SF3A2: variants seen among roughly 807,000 people sequenced by gnomAD.
SF3A2 encodes splicing factor 3a subunit 2.
In SF3A2, 5 loss-of-function variants were observed where a neutral mutation model predicts 31.1. That is an observed-to-expected ratio of 0.16 (90% CI 0.08 to 0.34). The LOEUF is 0.34. Ranked by LOEUF, SF3A2 falls within the 10% of genes least tolerant of loss-of-function variation. The pLI is 1.00. For missense variants in SF3A2, 577 were observed against 643.9 expected (o/e 0.90, Z 1.13); for synonymous variants, 365 against 263.7 (o/e 1.38, Z -3.72).
intron 1 of SF3A2, among the ~76,000 whole-genome samples, chr19:2,241,612 C>T (rs1324690557): frequency 2.6e-5 from 4 of 152,168 alleles, no homozygotes; most frequent in South Asian, 2.1e-4. Flanking sequence ...TAGGAGTTGG[C>T]GTGGCCTGCA....
At position 2,247,846 on chromosome 19, in the gene SF3A2, G is replaced by A. The variant is rs2024954355; in HGVS notation, c.695G>A (p.Arg232Gln). ...CCTGCTGGCCCCCCTGGGGTGAAGC[G>A]GCCTCCACCCCCGCTGATGAACGGT... ...SLPAGPPGVK[R>Q]PPPPLMNGLP... Residue 232 changes from arginine to glutamine, a missense_variant, in exon 9 of 9, where the codon CGG becomes CAG. Physicochemically the swap from Arg to Gln is conservative, Grantham distance 43. Transcript: ENST00000221494. 7.2e-6 allele frequency: 11 copies of A among 1,523,676 alleles called. No individual in the cohort carries two copies. Among genetic ancestry groups the A allele is most frequent in the East Asian group, 4.5e-5 (2 of 44,400 alleles). 94.4% of individuals were successfully genotyped at this position (1,523,676 alleles called of 1,614,324 possible). A position where few individuals can be genotyped will look rare whatever the true frequency, so the allele number is the denominator to read the frequency against.
At chr19:2,244,818 C>A (rs760069623) in intron 4 of SF3A2, 39 bp downstream of exon 4, 1 of 1,591,862 alleles carries the variant, frequency 6.3e-7, no homozygotes, top group Non-Finnish European at 8.6e-7. Context: ...GGTGCTCCAG[C>A]AGCCGTTGGC....
rs2024923472 is a variant in SF3A2, at chr19:2,245,431, C to G, written c.246-15C>G. On this transcript the variant is annotated splice_polypyrimidine_tract_variant and intron_variant, in intron 4 of 8. Coordinates refer to ENST00000221494, the MANE Select transcript of SF3A2 (RefSeq NM_007165.5). This position sits in a 1 kb window ranked among gnomAD's most constrained non-coding sequence, Gnocchi z 4.2. Reference sequence around the variant, plus strand: ...GTGTGGAGGGGTCCCAGCAGCACCTCCATCCTGTCCGCAGGGCCCGGCGAG... The same window carrying G: ...GTGTGGAGGGGTCCCAGCAGCACCTGCATCCTGTCCGCAGGGCCCGGCGAG... The G allele has an allele frequency of 1.9e-6, 3 of 1,544,654 alleles. No homozygotes were observed. The highest frequency in any genetic ancestry group is 2.6e-6 in the Non-Finnish European group (3 of 1,142,508).
At position 2,248,048 on chromosome 19, in the gene SF3A2, TG is replaced by T; in HGVS notation, c.901del (p.Val301SerfsTer145). On this transcript the variant is annotated frameshift_variant, in exon 9 of 9. Transcript: ENST00000221494. LOFTEE classifies it low-confidence loss of function (END_TRUNC). ...PAPVVHPPAS[G>X]VHPPAPGVHP... ...CCCCAGTGGTGCATCCCCCTGCATCTGGGGTCCATCCCCCAGCTCCTGGCGT... is the reference window on the plus strand; with the variant it reads ...CCCCAGTGGTGCATCCCCCTGCATCTGGGTCCATCCCCCAGCTCCTGGCGT... 4.4e-6 allele frequency: 4 copies of T among 909,720 alleles called. No homozygotes were observed. The highest frequency in any genetic ancestry group is 6.7e-6 in the Non-Finnish European group (4 of 593,966). The allele number at this position is 909,720 out of a possible 1,614,324, so 56.4% of individuals were successfully genotyped here.
chr19:2,244,787 C>T lies in SF3A2; in HGVS notation c.245+8C>T, dbSNP rs201339807. 1.2e-5 allele frequency: 19 copies of T among 1,613,252 alleles called. No individual in the cohort carries two copies. Among genetic ancestry groups the T allele is most frequent in the Admixed American group, 1.0e-4 (6 of 60,018 alleles). ...GAAGCACCAGACCAACCTGTGAGTA[C>T]CTCATGTCCCTTTGATGCCTGGTGC... On this transcript the variant is annotated splice_region_variant and intron_variant, in intron 4 of 8. Transcript: ENST00000221494.
Position 2,248,398 on chromosome 19 carries a change from C to A in SF3A2, c.1247C>A (p.Pro416Gln). ...CACCCCCAACCTCCCGGGGTCCATCCGTCGGCTCCTGGGGTCCACCCTCAG... is the reference window on the plus strand; with the variant it reads ...CACCCCCAACCTCCCGGGGTCCATCAGTCGGCTCCTGGGGTCCACCCTCAG... The part of the protein sequence containing the change: ...GVHPQPPGVH[P>Q]SAPGVHPQPP... The change falls in exon 9 of 9, where the codon CCG becomes CAG. Residue 416 changes from proline (P) to glutamine (Q), a missense_variant. By Grantham distance (76) the Pro-to-Gln change is moderately conservative. This residue lies in a region of SF3A2 where 462 missense variants were observed against 339.1 expected (regional missense o/e 1.36). Coordinates refer to ENST00000221494, the MANE Select transcript of SF3A2 (RefSeq NM_007165.5). 4 of 1,380,736 alleles carry A rather than the reference C, an allele frequency of 2.9e-6. No individual in the cohort carries two copies. The highest frequency in any genetic ancestry group is 3.7e-6 in the Non-Finnish European group (4 of 1,071,060). 85.5% of individuals were successfully genotyped at this position (1,380,736 alleles called of 1,614,324 possible). A position where few individuals can be genotyped will look rare whatever the true frequency, so the allele number is the denominator to read the frequency against.
intron 1 of SF3A2, among the ~76,000 whole-genome samples, chr19:2,241,266 T>A (rs2024886407): frequency 6.6e-6 from 1 of 152,040 alleles, no homozygotes; most frequent in Non-Finnish European, 1.5e-5. Context: ...TTGGAGTGCA[T>A]CCGTGAAAGA....
chr19:2,245,737 G>C lies in SF3A2; in HGVS notation c.355+182G>C. The C allele has an allele frequency of 3.3e-6, 2 of 608,514 alleles. No homozygotes were observed. The highest frequency in any genetic ancestry group is 5.9e-6 in the Non-Finnish European group (2 of 337,954). The allele number at this position is 608,514 out of a possible 1,614,324, so 37.7% of individuals were successfully genotyped here. On this transcript the variant is annotated intron_variant, in intron 5 of 8. Transcript: ENST00000221494. The surrounding 1 kb of genome is among the most constrained non-coding windows in gnomAD (Gnocchi z 4.2). ...GTTGTGTCTGGGAGCTGTCAGGCTG[G>C]GCCCGATAAGCACCCATCTCACCCA...
Position 2,244,558 on chromosome 19 carries a change from G to A in SF3A2, c.141G>A (p.Met47Ile). 2 of 1,614,010 alleles carry A rather than the reference G, an allele frequency of 1.2e-6. No individual in the cohort carries two copies. Among genetic ancestry groups the A allele is most frequent in the Non-Finnish European group, 1.7e-6 (2 of 1,179,930 alleles). ...TTCCCCTCCAGGACCCGTACTTCAT[G>A]AAGAACCACCTGGGCTCCTATGAAT... ...TIDINKDPYF[M>I]KNHLGSYECK... is the part of the protein sequence containing the mutation. Residue 47 changes from methionine to isoleucine, a missense_variant, in exon 3 of 9, where the codon ATG becomes ATA. Transcript: ENST00000221494.
In SF3A2 at chr19:2,248,002, C is replaced by A; in HGVS notation, c.851C>A (p.Ala284Asp). The A allele has an allele frequency of 1.1e-6, 1 of 949,038 alleles. No individual in the cohort carries two copies. Among genetic ancestry groups the A allele is most frequent in the Non-Finnish European group, 1.6e-6 (1 of 611,932 alleles). The allele number at this position is 949,038 out of a possible 1,614,324, so 58.8% of individuals were successfully genotyped here. A position where few individuals can be genotyped will look rare whatever the true frequency, so the allele number is the denominator to read the frequency against. Residue 284 changes from alanine (A) to aspartate (D), a missense_variant, in exon 9 of 9, where the codon GCT (alanine) becomes GAT (aspartate). Coordinates refer to ENST00000221494, the MANE Select transcript of SF3A2 (RefSeq NM_007165.5). ...PPGPPQLPPP[A>D]PGVHPPAPVV... is the part of the protein sequence containing the mutation. ...GGACCACCCCAGCTACCCCCGCCAG[C>A]TCCAGGGGTCCACCCCCCGGCCCCA...
chr19:2,247,404 G>C (rs189314739), intron 7 of SF3A2, among the ~76,000 whole-genome samples, 190 bp from the exon 8 acceptor site: 1 of 152,168 alleles, frequency 6.6e-6, no homozygotes, highest in African/African-American at 2.4e-5. Flanking sequence ...GGCCAACAGC[G>C]TGCTAGCATT....
intron 1 of SF3A2, among the ~76,000 whole-genome samples, chr19:2,239,376 G>A (rs1045038883): frequency 2.2e-5 from 3 of 137,530 alleles, no homozygotes; most frequent in African/African-American, 2.7e-5. Context: ...AAAAAAAAAA[G>A]AGAGAGAAAA....
chr19:2,242,558 C>T (rs985610413), intron 1 of SF3A2, among the ~76,000 whole-genome samples: 5 of 152,314 alleles, frequency 3.3e-5, no homozygotes, highest in Middle Eastern at 3.4e-3. Context: ...GTTCACAGGT[C>T]CCAGGGATTA....
At chr19:2,239,555 G>T (rs984988210) in intron 1 of SF3A2, among the ~76,000 whole-genome samples, 1 of 152,024 alleles carries the variant, frequency 6.6e-6, no homozygotes, top group African/African-American at 2.4e-5. Context: ...ATTTACCGGG[G>T]ATCTTTTTAT....
intron 3 of SF3A2, 34 bp from the exon 4 acceptor site, chr19:2,244,699 G>C (rs1413667652): frequency 1.2e-6 from 2 of 1,613,598 alleles, no homozygotes; most frequent in East Asian, 4.5e-5. Context: ...TGTCCGCCCG[G>C]CCTCGAGTCA....
intron 7 of SF3A2, 104 bp from the exon 8 acceptor site, chr19:2,247,490 A>G: frequency 8.5e-7 from 1 of 1,173,980 alleles, no homozygotes; most frequent in Non-Finnish European, 1.3e-6. Context: ...CTGGGCTCCC[A>G]GGGTAGAGTC....
intron 3 of SF3A2, 58 bp from the exon 4 acceptor site, chr19:2,244,675 G>C: frequency 6.2e-7 from 1 of 1,611,314 alleles, no homozygotes; most frequent in South Asian, 1.1e-5. Context: ...ACGTCAGGGG[G>C]ACCTGCCTGT....
chr19:2,247,526 G>T, intron 7 of SF3A2, 68 bp from the exon 8 acceptor site: 1 of 1,546,360 alleles, frequency 6.5e-7, no homozygotes, highest in Non-Finnish European at 8.9e-7. Flanking sequence ...AGTGCCTCGG[G>T]CTCCCTGCCT....
chr19:2,239,167 C>G (rs972445781), intron 1 of SF3A2, among the ~76,000 whole-genome samples: 1 of 152,074 alleles, frequency 6.6e-6, no homozygotes, highest in African/African-American at 2.4e-5. Flanking sequence ...GAGTTTGAGA[C>G]CAGCCTCGCC....
Sources: allele counts gnomAD v4.1 joint callset (sites outside exome capture counted in the v4.1 genomes callset), GRCh38; gene constraint gnomAD v4.1.1; regional missense constraint gnomAD v4.1.1; non-coding constraint Gnocchi (gnomAD v3.1); transcripts MANE v1.5; gene names NCBI Gene and HGNC (gene_info 2026-07-23, HGNC 2026-07-21).